DLGAP2: variants seen among roughly 807,000 people sequenced by gnomAD.
DLGAP2 encodes the protein DLG associated protein 2.
In DLGAP2, 26 loss-of-function variants were observed where a neutral mutation model predicts 100.3. The observed-to-expected ratio is 0.26, with a 90% CI of 0.19 to 0.36. DLGAP2 has a LOEUF of 0.36. DLGAP2 is among the 10% of genes least tolerant of loss of function. The probability of loss-of-function intolerance (pLI) is 1.00; values close to 1 mark genes in which losing one functional copy is unlikely to be tolerated. For missense variants in DLGAP2, 1,858 were observed against 1,453.2 expected, an observed-to-expected ratio of 1.28 and a Z score of -4.53; for synonymous variants, 886 against 630.1, an observed-to-expected ratio of 1.41 and a Z score of -6.08.
Position 857,819 on chromosome 8 carries a change from A to G in DLGAP2, c.19-50093A>G, listed in dbSNP as rs536301754. On this transcript the variant is annotated intron_variant, in intron 1 of 14. Transcript: ENST00000637795. ...CATGCCGTCTAGCAGTCAGGCTCCTAGGTGTTCACCCAGATACTTGAAAAC... is the reference window on the plus strand; with the variant it reads ...CATGCCGTCTAGCAGTCAGGCTCCTGGGTGTTCACCCAGATACTTGAAAAC... Among the ~76,000 whole-genome samples the G allele has an allele frequency of 5.3e-5, 8 of 152,202 alleles. No homozygotes were observed. In the East Asian group the frequency reaches 1.5e-3, roughly 29 times the overall value.
At chr8:1,178,005 C>T (rs938739345) in intron 2 of DLGAP2, among the ~76,000 whole-genome samples, 6 of 152,202 alleles carry the variant, frequency 3.9e-5, no homozygotes, top group African/African-American at 1.4e-4. Flanking sequence ...GTGGCCGTGG[C>T]CAGTGGTGGT....
intron 2 of DLGAP2, among the ~76,000 whole-genome samples, chr8:936,123 G>A (rs1391825766): frequency 1.3e-5 from 2 of 152,170 alleles, no homozygotes; most frequent in African/African-American, 2.4e-5. Context: ...ACAGAACACT[G>A]TGTACCGTGT....
intron 3 of DLGAP2, among the ~76,000 whole-genome samples, chr8:1,456,533 C>T (rs753208815): frequency 5.3e-5 from 8 of 152,184 alleles, no homozygotes; most frequent in Admixed American, 2.0e-4. Context: ...AGAAAAGGCC[C>T]ATTTCATAGT....
intron 3 of DLGAP2, among the ~76,000 whole-genome samples, chr8:1,272,810 G>A (rs1228244548): frequency 6.6e-6 from 1 of 152,160 alleles, no homozygotes; most frequent in Non-Finnish European, 1.5e-5. Flanking sequence ...GAAGGTCCAT[G>A]AGCTGCCGGC....
At chr8:1,598,434 G>A (rs1375838493) in intron 6 of DLGAP2, among the ~76,000 whole-genome samples, 1 of 152,162 alleles carries the variant, frequency 6.6e-6, no homozygotes, top group East Asian at 1.9e-4. Flanking sequence ...ATTTCAGAAG[G>A]AATGGTACCA....
intron 3 of DLGAP2, among the ~76,000 whole-genome samples, chr8:1,291,137 C>T (rs910691187): frequency 6.6e-6 from 1 of 152,166 alleles, no homozygotes; most frequent in Non-Finnish European, 1.5e-5. Context: ...AGGTAACAGT[C>T]ATCACGATGA....
chr8:1,427,754 C>A (rs1170594064), intron 3 of DLGAP2, among the ~76,000 whole-genome samples: 2 of 152,212 alleles, frequency 1.3e-5, no homozygotes, highest in Non-Finnish European at 2.9e-5. Context: ...CTTCATCTCC[C>A]ACCATGATTG....
At chr8:1,239,758 C>A in intron 2 of DLGAP2, among the ~76,000 whole-genome samples, 1 of 60,826 alleles carries the variant, frequency 1.6e-5, no homozygotes, top group Non-Finnish European at 3.2e-5. Context: ...AGTTCTCTCA[C>A]ATGGCACCGT....
intron 2 of DLGAP2, among the ~76,000 whole-genome samples, chr8:1,161,381 C>T (rs968523780): frequency 2.3e-4 from 35 of 152,184 alleles, no homozygotes; most frequent in African/African-American, 8.2e-4. Flanking sequence ...TTTCACTGAG[C>T]TTCTCAACTT....
intron 4 of DLGAP2, among the ~76,000 whole-genome samples, chr8:1,513,310 C>A (rs1800240451): frequency 6.8e-6 from 1 of 146,666 alleles, no homozygotes; most frequent in Non-Finnish European, 1.5e-5. Context: ...TTTCCCAGTG[C>A]AAGGGAGGAC....
intron 2 of DLGAP2, among the ~76,000 whole-genome samples, chr8:1,125,971 A>G (rs1796154086): frequency 6.6e-6 from 1 of 152,222 alleles, no homozygotes; most frequent in African/African-American, 2.4e-5. Context: ...TTTCCTGTAA[A>G]TAACACATTC....
intron 1 of DLGAP2, among the ~76,000 whole-genome samples, chr8:873,830 T>C (rs951553557): frequency 6.6e-6 from 1 of 152,208 alleles, no homozygotes; most frequent in Non-Finnish European, 1.5e-5. Context: ...CAGAATTCAG[T>C]AGAGATGTCG....
chr8:1,172,131 C>T (rs1018128334), intron 2 of DLGAP2, among the ~76,000 whole-genome samples: 4 of 151,266 alleles, frequency 2.6e-5, no homozygotes, highest in African/African-American at 9.7e-5. Flanking sequence ...TTTATTTCTC[C>T]TTCACTTATG....
chr8:1,309,480 T>A (rs1315385997), intron 3 of DLGAP2, among the ~76,000 whole-genome samples: 1 of 152,014 alleles, frequency 6.6e-6, no homozygotes, highest in Non-Finnish European at 1.5e-5. Flanking sequence ...AAAAAAAAAT[T>A]TTAAGAAGTT....
intron 1 of DLGAP2, among the ~76,000 whole-genome samples, chr8:767,630 C>G (rs1377045149): frequency 6.6e-6 from 1 of 152,188 alleles, no homozygotes; most frequent in Non-Finnish European, 1.5e-5. Flanking sequence ...GCTGGGATTA[C>G]AGGTACGAGC....
intron 2 of DLGAP2, among the ~76,000 whole-genome samples, chr8:975,637 A>G (rs552041791): frequency 3.9e-5 from 6 of 152,324 alleles, no homozygotes; most frequent in South Asian, 4.1e-4. Flanking sequence ...AAAAAATTAC[A>G]TCATGTCTAT....
intron 2 of DLGAP2, among the ~76,000 whole-genome samples, chr8:1,200,295 G>C (rs1161059723): frequency 1.3e-5 from 2 of 152,112 alleles, no homozygotes; most frequent in East Asian, 3.9e-4. Context: ...CTCTTGCTCC[G>C]GGGTCCTGCG....
At chr8:1,285,418 A>G (rs181987612) in intron 3 of DLGAP2, among the ~76,000 whole-genome samples, 10 of 152,334 alleles carry the variant, frequency 6.6e-5, no homozygotes. Context: ...GTGCGTTTAG[A>G]TTAGTTTTGG....
intron 2 of DLGAP2, among the ~76,000 whole-genome samples, chr8:1,028,096 G>C (rs186799936): frequency 7.0e-5 from 9 of 127,754 alleles, no homozygotes; most frequent in South Asian, 3.1e-4. Flanking sequence ...TCTCCAGGTG[G>C]GGTGCCAGGG....
Sources: gnomAD v4.1 joint callset for allele counts (sites outside exome capture counted in the v4.1 genomes callset) on GRCh38, gnomAD v4.1.1 for gene constraint, MANE v1.5 for transcripts, NCBI Gene and HGNC (gene_info 2026-07-23, HGNC 2026-07-21) for gene names.